CWF19L1: variants seen among roughly 807,000 people sequenced by gnomAD.
CWF19L1 encodes the protein CWF19 like cell cycle control factor 1.
CWF19L1 carries 60 observed loss-of-function variants against 69.7 expected under a neutral mutation model. That is an observed-to-expected ratio of 0.86 (90% confidence interval 0.70 to 1.07). The LOEUF (loss-of-function observed/expected upper bound fraction) is 1.07. Among genes scored for constraint, CWF19L1 ranks in the 50% least tolerant of loss-of-function variants. The probability of loss-of-function intolerance (pLI) is 0.00; values close to 1 mark genes in which losing one functional copy is unlikely to be tolerated. For synonymous variants in CWF19L1, 209 were observed against 222.2 expected (o/e 0.94, Z 0.53); for missense variants, 591 against 638.9 (o/e 0.92, Z 0.81).
intron 10 of CWF19L1, among the ~76,000 whole-genome samples, chr10:100,242,386 T>C (rs1846665136): frequency 6.6e-6 from 1 of 152,104 alleles, no homozygotes; most frequent in South Asian, 2.1e-4. Context: ...CAGATAAAAA[T>C]TCATAGGCCG....
chr10:100,262,021 GAATAA>G lies in CWF19L1; in HGVS notation c.61_65del (p.Leu21GlnfsTer2). ...TCTTCTGAATTGCTTGAACTCTATT[GAATAA>G]AATATCAAACTTTCCTTCAACATCT... On this transcript the variant is annotated frameshift_variant, in exon 2 of 14. Transcript: ENST00000354105. LOFTEE classifies it high-confidence loss of function. 1 of 1,610,368 alleles carries G rather than the reference GAATAA, an allele frequency of 6.2e-7. No individual in the cohort carries two copies. Among genetic ancestry groups the G allele is most frequent in the African/African-American group, 1.3e-5 (1 of 74,792 alleles).
intron 7 of CWF19L1, chr10:100,248,275 G>C (rs1846896872): frequency 1.5e-6 from 2 of 1,332,758 alleles, no homozygotes; most frequent in Non-Finnish European, 2.1e-6. Flanking sequence ...CTGCCAAAGT[G>C]TTTTGAGTCC....
chr10:100,247,026 C>G (rs1469892862), intron 7 of CWF19L1, 91 bp from the exon 8 acceptor site: 22 of 1,192,068 alleles, frequency 1.8e-5, no homozygotes, highest in Non-Finnish European at 2.3e-5. Context: ...TCACAGAAAA[C>G]ATGTGAAACT....
intron 2 of CWF19L1, 126 bp downstream of exon 2, chr10:100,261,853 G>T: frequency 1.4e-6 from 1 of 708,458 alleles, no homozygotes; most frequent in Non-Finnish European, 2.3e-6. Context: ...AAGTTCCTAT[G>T]CTCATGAAGG....
chr10:100,233,105 G>T lies in CWF19L1; in HGVS notation c.*122C>A. On this transcript the variant is annotated 3_prime_UTR_variant, in exon 14 of 14. Coordinates refer to ENST00000354105, the MANE Select transcript of CWF19L1 (RefSeq NM_018294.6). ...TGAGGCTACAGTGAGCCACAGTTAT[G>T]CCACTGCAATCCTGCTTGGGTGACA... The T allele has an allele frequency of 1.0e-6, 1 of 986,382 alleles. No homozygotes were observed. The highest frequency in any genetic ancestry group is 1.4e-6 in the Non-Finnish European group (1 of 696,248). The allele number at this position is 986,382 out of a possible 1,614,324, so 61.1% of individuals were successfully genotyped here.
chr10:100,248,466 T>C, intron 7 of CWF19L1: 1 of 679,276 alleles, frequency 1.5e-6, no homozygotes, highest in Non-Finnish European at 2.7e-6. Context: ...TATCTTTGAC[T>C]GCTGTTCTTG....
At chr10:100,248,262 T>C in intron 7 of CWF19L1, 6 of 1,261,308 alleles carry the variant, frequency 4.8e-6, no homozygotes. Context: ...GAAGAAAACA[T>C]GGCTGCCAAA....
At chr10:100,267,147 CAAAAAAAA>C (rs56827592) in intron 1 of CWF19L1, among the ~76,000 whole-genome samples, 1 of 30,780 alleles carries the variant, frequency 3.2e-5, no homozygotes, top group African/African-American at 1.2e-4. Context: ...CTCCTCCTCG[CAAAAAAAA>C]AAAAAAAAAA....
In CWF19L1 at chr10:100,262,067, C is replaced by T. The variant is rs747486730; in HGVS notation, c.24-4G>A. 1.9e-5 allele frequency: 31 copies of T among 1,609,652 alleles called. No homozygotes were observed. The Middle Eastern group carries it at 5.0e-4, about 26-fold the overall frequency. ...TTCAACATCTCCACAAGCCAAGCTGCAAACAAAGAGATAAACATTATAGCA... is the reference window on the plus strand; with the variant it reads ...TTCAACATCTCCACAAGCCAAGCTGTAAACAAAGAGATAAACATTATAGCA... On this transcript the variant is annotated splice_polypyrimidine_tract_variant and splice_region_variant and intron_variant, in intron 1 of 13. Transcript: ENST00000354105.
chr10:100,255,451 C>G (rs2134311214), intron 5 of CWF19L1, among the ~76,000 whole-genome samples: 1 of 150,442 alleles, frequency 6.6e-6, no homozygotes, highest in Non-Finnish European at 1.5e-5. Flanking sequence ...TTGAGACCAG[C>G]CTGGCCAACA....
At chr10:100,240,439 G>C (rs899158108) in intron 10 of CWF19L1, among the ~76,000 whole-genome samples, 3 of 152,180 alleles carry the variant, frequency 2.0e-5, no homozygotes, top group Admixed American at 6.5e-5. Flanking sequence ...TTACAGGTTT[G>C]TAAGAGGTTT....
intron 2 of CWF19L1, 91 bp from the exon 3 acceptor site, chr10:100,261,135 T>C: frequency 1.2e-6 from 1 of 813,098 alleles, no homozygotes; most frequent in Non-Finnish European, 2.0e-6. Flanking sequence ...ATTTAATAGT[T>C]TCAAATCAGT....
chr10:100,261,641 T>C (rs1286072212), intron 2 of CWF19L1, among the ~76,000 whole-genome samples: 1 of 152,200 alleles, frequency 6.6e-6, no homozygotes, highest in African/African-American at 2.4e-5. Context: ...GGTATGTATG[T>C]TACCTGACTT....
chr10:100,265,522 TTTC>T (rs1340437731), intron 1 of CWF19L1, among the ~76,000 whole-genome samples: 1 of 135,672 alleles, frequency 7.4e-6, no homozygotes, highest in African/African-American at 2.9e-5. Context: ...TTTTTTTCTT[TTTC>T]TTTTTTTTTT....
In CWF19L1 at chr10:100,238,220, G is replaced by A; in HGVS notation, c.1056C>T (p.Ala352=). 1 of 1,614,098 alleles carries A rather than the reference G, an allele frequency of 6.2e-7. No homozygotes were observed. Among genetic ancestry groups the A allele is most frequent in the Non-Finnish European group, 8.5e-7 (1 of 1,180,006 alleles). Residue 352 remains alanine (A), a synonymous_variant, in exon 11 of 14, where the codon GCC becomes GCT. Transcript: ENST00000354105. The part of the protein sequence containing the change: ...VVNIGTHCYL[A]LAKGGLSDDH... ...CATCAGATAAGCCTCCTTTGGCCAGGGCAAGGTAGCACTGAAGAAGCAGCA... is the reference window on the plus strand; with the variant it reads ...CATCAGATAAGCCTCCTTTGGCCAGAGCAAGGTAGCACTGAAGAAGCAGCA...
chr10:100,253,460 G>C lies in CWF19L1; in HGVS notation c.584C>G (p.Ala195Gly). The C allele has an allele frequency of 1.9e-6, 3 of 1,613,704 alleles. No individual in the cohort carries two copies. The highest frequency in any genetic ancestry group is 2.5e-6 in the Non-Finnish European group (3 of 1,179,600). ...ATGLKPRYHF[A>G]ALEKTYYERL... is the part of the protein sequence containing the mutation. ...CTCATAATAGGTCTTTTCCAAAGCA[G>C]CAAAATGGTATCTTGGTTTCAAGCC... Residue 195 changes from alanine (A) to glycine (G), a missense_variant, in exon 6 of 14, where the codon GCT (alanine) becomes GGT (glycine). Transcript: ENST00000354105.
intron 10 of CWF19L1, among the ~76,000 whole-genome samples, chr10:100,241,112 A>G (rs1459926717): frequency 1.4e-5 from 2 of 147,824 alleles, no homozygotes; most frequent in South Asian, 2.1e-4. Flanking sequence ...GGTTCAAGCA[A>G]TTCTCTGCCT....
chr10:100,260,656 G>A (rs1847370103), intron 3 of CWF19L1, among the ~76,000 whole-genome samples: 1 of 152,012 alleles, frequency 6.6e-6, no homozygotes, highest in African/African-American at 2.4e-5. Context: ...CCGAGGAGCT[G>A]GGATTACAGG....
intron 1 of CWF19L1, 60 bp downstream of exon 1, chr10:100,267,511 T>A (rs1415448307): frequency 6.2e-7 from 1 of 1,613,624 alleles, no homozygotes; most frequent in African/African-American, 1.3e-5. Context: ...CCCGCCCGTG[T>A]CGTCACCTAC....
Sources: allele counts gnomAD v4.1 joint callset (sites outside exome capture counted in the v4.1 genomes callset), GRCh38; gene constraint gnomAD v4.1.1; transcripts MANE v1.5; gene names NCBI Gene and HGNC (gene_info 2026-07-23, HGNC 2026-07-21).